The following FMO2 variants were observed in gnomAD, a reference collection of about 807,000 sequenced individuals.
FMO2 encodes the protein flavin-containing monooxygenase 2.
FMO2 carries 33 observed loss-of-function variants against 41.6 expected under a neutral mutation model. That is an observed-to-expected ratio of 0.79 (90% CI 0.60 to 1.06). The LOEUF is 1.06. Ranked by LOEUF, FMO2 falls within the 50% of genes least tolerant of loss-of-function variation. The pLI, the probability that FMO2 is intolerant of heterozygous loss-of-function variation, is 0.00. For missense variants in FMO2, 619 were observed against 632.9 expected (o/e 0.98, Z 0.23); for synonymous variants, 214 against 219.6 (o/e 0.97, Z 0.23).
intron 5 of FMO2, among the ~76,000 whole-genome samples, chr1:171,199,987 G>A (rs1376987971): frequency 2.6e-5 from 4 of 152,138 alleles, no homozygotes; most frequent in African/African-American, 9.7e-5. Flanking sequence ...AAAGTGCTGG[G>A]ATTACAGGCA....
At chr1:171,196,863 A>G in intron 4 of FMO2, 52 bp downstream of exon 4, 1 of 1,550,468 alleles carries the variant, frequency 6.4e-7, no homozygotes, top group Non-Finnish European at 8.8e-7. Context: ...CAGGTACTTT[A>G]TATGTAGTTT....
chr1:171,201,216 C>T (rs1658521977), intron 5 of FMO2, among the ~76,000 whole-genome samples: 1 of 152,034 alleles, frequency 6.6e-6, no homozygotes, highest in African/African-American at 2.4e-5. Flanking sequence ...TTAGGAGGTA[C>T]TTCACTTTGA....
rs576579541 is a variant in FMO2 at position 171,199,568 on chromosome 1, G to A, written c.627+80G>A. The A allele has an allele frequency of 1.5e-4, 209 of 1,384,570 alleles. No homozygotes were observed. The East Asian group carries it at 3.5e-3, about 24-fold the overall frequency. The allele number at this position is 1,384,570 out of a possible 1,614,324, so 85.8% of individuals were successfully genotyped here. A position where few individuals can be genotyped will look rare whatever the true frequency, so the allele number is the denominator to read the frequency against. On this transcript the variant is annotated intron_variant, in intron 5 of 8. Coordinates refer to ENST00000209929, the MANE Select transcript of FMO2 (RefSeq NM_001460.5). ...ACTGGAGAACCCCAGCCATATAATCGCGGCTCCAATCCTCATTAACTAGTT... is the reference window on the plus strand; with the variant it reads ...ACTGGAGAACCCCAGCCATATAATCACGGCTCCAATCCTCATTAACTAGTT...
intron 7 of FMO2, among the ~76,000 whole-genome samples, chr1:171,206,360 G>C (rs1170737452): frequency 2.0e-5 from 3 of 152,068 alleles, no homozygotes; most frequent in African/African-American, 7.2e-5. Flanking sequence ...TTTCTCAGGG[G>C]CAGAAAAGGG....
At position 171,193,538 on chromosome 1, in the gene FMO2, G is replaced by T; in HGVS notation, c.321+15G>T. 1 of 1,540,164 alleles carries T rather than the reference G, an allele frequency of 6.5e-7. No individual in the cohort carries two copies. The highest frequency in any genetic ancestry group is 1.1e-5 in the South Asian group (1 of 87,120). ...TTCAGTTCCAGGTATTGTATTTTTG[G>T]GGAAATGGGTTTCTCTGCATTAGTT... On this transcript the variant is annotated intron_variant, in intron 3 of 8. Transcript: ENST00000209929.
At position 171,190,150 on chromosome 1, in the gene FMO2, C is replaced by T. The variant is rs577863353; in HGVS notation, c.133-3185C>T. 3.9e-5 allele frequency among the ~76,000 whole-genome samples: 6 copies of T among 152,264 alleles called. No individual in the cohort carries two copies. The South Asian group carries it at 1.2e-3, about 32-fold the overall frequency. ...TCTGTTTCTGCTTTATAAATTTCCTCACTTGAGTAGATTAAATATTACCCT... is the reference window on the plus strand; with the variant it reads ...TCTGTTTCTGCTTTATAAATTTCCTTACTTGAGTAGATTAAATATTACCCT... On this transcript the variant is annotated intron_variant, in intron 2 of 8. Coordinates refer to ENST00000209929, the MANE Select transcript of FMO2 (RefSeq NM_001460.5).
At position 171,188,030 on chromosome 1, in the gene FMO2, A is replaced by ATTT. The variant is rs67830022; in HGVS notation, c.132+2207_132+2209dup. Among the ~76,000 whole-genome samples, 462 of 97,592 alleles carry ATTT rather than the reference A, an allele frequency of 4.7e-3. 9 individuals are homozygous for ATTT. The highest frequency in any genetic ancestry group is 5.9e-3 in the Non-Finnish European group (302 of 51,540). 64.0% of individuals were successfully genotyped at this position (97,592 alleles called of 152,430 possible). A position where few individuals can be genotyped will look rare whatever the true frequency, so the allele number is the denominator to read the frequency against. On this transcript the variant is annotated intron_variant, in intron 2 of 8. Transcript: ENST00000209929. ...GGTTCACATGTAGATTTCAGCTGGA[A>ATTT]TTTTTTTTTTTTTTTTTTTTTTTTG...
chr1:171,212,035 G>T lies in FMO2; in HGVS notation c.*2890G>T, dbSNP rs1353810142. ...GGACAAATTCCTTCTGTTCAGCCTT[G>T]GTCCTCCAACTGCAGTTTACAATTT... On this transcript the variant is annotated 3_prime_UTR_variant, in exon 9 of 9. Coordinates refer to ENST00000209929, the MANE Select transcript of FMO2 (RefSeq NM_001460.5). Among the ~76,000 whole-genome samples, 1 of 152,116 alleles carries T rather than the reference G, an allele frequency of 6.6e-6. No individual in the cohort carries two copies. The highest frequency in any genetic ancestry group is 1.5e-5 in the Non-Finnish European group (1 of 68,014).
Position 171,208,988 on chromosome 1 carries a change from C to A in FMO2, c.1451C>A (p.Ala484Asp), listed in dbSNP as rs750112822. ...GTTGGGCCTGGGCAATGGGAAGGAG[C>A]CAGAAATGCCATCTTCACCCAGAAA... ...RLVGPGQWEG[A>D]RNAIFTQKQR... Residue 484 changes from alanine (A) to aspartate (D), a missense_variant, in exon 9 of 9, where the codon GCC becomes GAC. Coordinates refer to ENST00000209929, the MANE Select transcript of FMO2 (RefSeq NM_001460.5). 3 of 1,584,128 alleles carry A rather than the reference C, an allele frequency of 1.9e-6. No homozygotes were observed. The highest frequency in any genetic ancestry group is 1.7e-6 in the Non-Finnish European group (2 of 1,160,968).
chr1:171,208,725 T>G (rs1658861397), intron 8 of FMO2, 69 bp from the exon 9 acceptor site: 3 of 1,449,940 alleles, frequency 2.1e-6, no homozygotes, highest in Non-Finnish European at 2.9e-6. Context: ...TTTAGCAGTT[T>G]TGAATGCCTA....
At position 171,189,658 on chromosome 1, in the gene FMO2, TC is replaced by T. The variant is rs201587578; in HGVS notation, c.133-3676del. 1.9e-3 allele frequency among the ~76,000 whole-genome samples: 215 copies of T among 113,970 alleles called. 8 individuals carry two copies. The highest frequency in any genetic ancestry group is 4.9e-3 in the Middle Eastern group (1 of 206). 74.8% of individuals were successfully genotyped at this position (113,970 alleles called of 152,430 possible). ...AAATCTGAGCCCGTCTTTTTTCTTT[TC>T]TTTTTTTTTTTTTTTTTGAGATGGA... On this transcript the variant is annotated intron_variant, in intron 2 of 8. Transcript: ENST00000209929.
rs1336356282 is a variant in FMO2 at position 171,211,823 on chromosome 1, C to A, written c.*2678C>A. Among the ~76,000 whole-genome samples the A allele has an allele frequency of 4.0e-5, 6 of 149,258 alleles. No individual in the cohort carries two copies. The highest frequency in any genetic ancestry group is 8.8e-5 in the Non-Finnish European group (6 of 68,008). On this transcript the variant is annotated 3_prime_UTR_variant, in exon 9 of 9. Transcript: ENST00000209929. ...CAGGGAGCTTATAGAAGTGAAGATT[C>A]CTGAATATAAACATAGTAATAATTC...
chr1:171,208,693 T>TATTC (rs749959651), intron 8 of FMO2, 101 bp from the exon 9 acceptor site: 89 of 1,084,354 alleles, frequency 8.2e-5, no homozygotes, highest in Non-Finnish European at 1.1e-4. Context: ...CTCATTCACA[T>TATTC]ATTCACTCAT....
rs1657804471 is a variant in FMO2 at position 171,185,470 on chromosome 1, G to C, written c.-7+111G>C. The C allele has an allele frequency of 8.0e-6, 3 of 376,130 alleles. No homozygotes were observed. In the Admixed American group the frequency reaches 1.1e-4, roughly 14 times the overall value. 23.3% of individuals were successfully genotyped at this position (376,130 alleles called of 1,614,324 possible). A position where few individuals can be genotyped will look rare whatever the true frequency, so the allele number is the denominator to read the frequency against. On this transcript the variant is annotated intron_variant, in intron 1 of 8. Coordinates refer to ENST00000209929, the MANE Select transcript of FMO2 (RefSeq NM_001460.5). ...CTGCATAGTCTGGCTTTGTTCAATG[G>C]GTCGCTTTTAAATATTAAAGCTAGA... is the stretch of plus-strand genomic sequence containing the variant.
At chr1:171,203,642 G>A (rs143717897) in intron 5 of FMO2, among the ~76,000 whole-genome samples, 3 of 152,212 alleles carry the variant, frequency 2.0e-5, no homozygotes, top group African/African-American at 4.8e-5. Context: ...AGACTTTCTC[G>A]TGTCTCCATG....
chr1:171,204,289 C>A (rs939446176), intron 6 of FMO2, among the ~76,000 whole-genome samples: 2 of 152,082 alleles, frequency 1.3e-5, no homozygotes, highest in African/African-American at 4.8e-5. Flanking sequence ...CTCCAGAAAG[C>A]AAAACTAGGG....
intron 8 of FMO2, 90 bp from the exon 9 acceptor site, chr1:171,208,704 T>G: frequency 8.3e-7 from 1 of 1,201,516 alleles, no homozygotes; most frequent in Non-Finnish European, 1.2e-6. Context: ...ATTCACTCAT[T>G]CCTTCATTCC....
In FMO2 at chr1:171,211,634, A is replaced by G. The variant is rs1658987717; in HGVS notation, c.*2489A>G. ...TATCTTTGAAAAATGTAAATAGTTT[A>G]TTTATAGAGAACCCTACCTCTGAGG... On this transcript the variant is annotated 3_prime_UTR_variant, in exon 9 of 9. Coordinates refer to ENST00000209929, the MANE Select transcript of FMO2 (RefSeq NM_001460.5). Among the ~76,000 whole-genome samples the G allele has an allele frequency of 6.6e-6, 1 of 152,170 alleles. No homozygotes were observed. The highest frequency in any genetic ancestry group is 2.1e-4 in the South Asian group (1 of 4,830).
At chr1:171,203,713 A>G in intron 5 of FMO2, 152 bp from the exon 6 acceptor site, 2 of 660,394 alleles carry the variant, frequency 3.0e-6, no homozygotes, top group South Asian at 1.9e-5. Context: ...GGGTACCCCT[A>G]TTTAGGAGGT....
Sources: allele counts gnomAD v4.1 joint callset (sites outside exome capture counted in the v4.1 genomes callset), GRCh38; gene constraint gnomAD v4.1.1; transcripts MANE v1.5; gene names NCBI Gene and HGNC (gene_info 2026-07-23, HGNC 2026-07-21).